CDH4: variants seen among roughly 807,000 people sequenced by gnomAD.
The protein encoded by CDH4 is cadherin 4, also known as cadherin-4.
In CDH4, 33 loss-of-function variants were observed where a neutral mutation model predicts 86.0. The observed-to-expected ratio is 0.38, with a 90% CI of 0.29 to 0.51. The LOEUF (loss-of-function observed/expected upper bound fraction) is 0.51. Among genes scored for constraint, CDH4 ranks in the 20% least tolerant of loss-of-function variants. CDH4 has a pLI of 0.86. For missense variants in CDH4, 1,114 were observed against 1,307.4 expected (o/e 0.85, Z 2.28); for synonymous variants, 555 against 549.4 (o/e 1.01, Z -0.14).
chr20:61,626,002 G>A (rs1313991881), intron 2 of CDH4, among the ~76,000 whole-genome samples: 1 of 152,282 alleles, frequency 6.6e-6, no homozygotes, highest in Non-Finnish European at 1.5e-5. Flanking sequence ...TAGCGCCCCT[G>A]CTGAGTGCTG....
chr20:61,274,873 G>GAGTACTGTGTGCAGTTTGGGGC, intron 2 of CDH4, among the ~76,000 whole-genome samples: 1 of 144,978 alleles, frequency 6.9e-6, no homozygotes, highest in Non-Finnish European at 1.5e-5. Flanking sequence ...TTGTTTGGGA[G>GAGTACTGTGTGCAGTTTGGGGC]AGTACTGTGT....
chr20:61,484,123 A>C (rs6121411), intron 2 of CDH4, among the ~76,000 whole-genome samples: 9,040 of 151,600 alleles, frequency 0.06, 956 homozygotes, highest in African/African-American at 0.21. Context: ...AGCAGACCCT[A>C]CTCACCCCTG....
chr20:61,817,335 C>T (rs371920407), intron 4 of CDH4, among the ~76,000 whole-genome samples: 6 of 152,126 alleles, frequency 3.9e-5, no homozygotes, highest in African/African-American at 1.4e-4. Context: ...TGCCTTGCTA[C>T]GCTGCCGCCT....
chr20:61,601,201 T>G lies in CDH4; in HGVS notation c.170-142362T>G, dbSNP rs533733968. Among the ~76,000 whole-genome samples the G allele has an allele frequency of 1.5e-4, 23 of 152,258 alleles. No homozygotes were observed. The South Asian group carries it at 4.8e-3, about 32-fold the overall frequency. Reference sequence around the variant, plus strand: ...GCAAAGCGGGAGCAGGCACCTCACATGGTGATAGGGGAGCACAGAGGGGGA... The same window carrying G: ...GCAAAGCGGGAGCAGGCACCTCACAGGGTGATAGGGGAGCACAGAGGGGGA... On this transcript the variant is annotated intron_variant, in intron 2 of 15. Transcript: ENST00000614565.
At chr20:61,543,615 G>A (rs2086055893) in intron 2 of CDH4, among the ~76,000 whole-genome samples, 1 of 152,180 alleles carries the variant, frequency 6.6e-6, no homozygotes, top group African/African-American at 2.4e-5. Context: ...AAAGCTGATG[G>A]CGCCTTTATG....
intron 4 of CDH4, among the ~76,000 whole-genome samples, chr20:61,786,026 C>T (rs1009880686): frequency 6.6e-6 from 1 of 152,094 alleles, no homozygotes; most frequent in South Asian, 2.1e-4. Flanking sequence ...TGGAAATCTC[C>T]CCTCTGGTTC....
chr20:61,620,291 TGATA>T (rs1332313353), intron 2 of CDH4, among the ~76,000 whole-genome samples: 2 of 141,622 alleles, frequency 1.4e-5, no homozygotes, highest in East Asian at 2.1e-4. Context: ...GATGGATGGA[TGATA>T]GATGGTAGGT....
At chr20:61,716,668 G>A (rs558792570) in intron 2 of CDH4, among the ~76,000 whole-genome samples, 1 of 152,306 alleles carries the variant, frequency 6.6e-6, no homozygotes, top group East Asian at 1.9e-4. Flanking sequence ...CAGCACTTTG[G>A]GAGGCCGAGG....
At chr20:61,588,077 T>C (rs766155263) in intron 2 of CDH4, among the ~76,000 whole-genome samples, 3 of 152,230 alleles carry the variant, frequency 2.0e-5, no homozygotes, top group Non-Finnish European at 4.4e-5. Flanking sequence ...CACTGAATAA[T>C]GTGCCTTCGA....
chr20:61,825,209 A>C (rs113521596), intron 4 of CDH4, among the ~76,000 whole-genome samples: 149 of 152,226 alleles, frequency 9.8e-4, no homozygotes, highest in African/African-American at 3.5e-3. Flanking sequence ...GGAGTTCGAG[A>C]CCAGCTGGGC....
At chr20:61,593,141 T>G (rs62200483) in intron 2 of CDH4, among the ~76,000 whole-genome samples, 233 of 152,332 alleles carry the variant, frequency 1.5e-3, no homozygotes, top group Admixed American at 4.2e-3. Flanking sequence ...TGTACGGTAA[T>G]GCTTGTGTGT....
At chr20:61,910,961 T>C (rs2054844070) in intron 9 of CDH4, among the ~76,000 whole-genome samples, 1 of 152,256 alleles carries the variant, frequency 6.6e-6, no homozygotes, top group Non-Finnish European at 1.5e-5. Flanking sequence ...TGAGGTAATA[T>C]TTTGTAACAC....
At chr20:61,283,451 G>GGGAGGA in intron 2 of CDH4, among the ~76,000 whole-genome samples, 1 of 149,542 alleles carries the variant, frequency 6.7e-6, no homozygotes, top group African/African-American at 2.5e-5. Flanking sequence ...TGTGTGTGAT[G>GGGAGGA]TGTGTGCGTT....
chr20:61,584,419 G>A lies in CDH4; in HGVS notation c.170-159144G>A, dbSNP rs371105490. Among the ~76,000 whole-genome samples, 19 of 152,176 alleles carry A rather than the reference G, an allele frequency of 1.2e-4. 1 individual carries two copies. In the South Asian group the frequency reaches 3.3e-3, roughly 27 times the overall value. On this transcript the variant is annotated intron_variant, in intron 2 of 15. Coordinates refer to ENST00000614565, the MANE Select transcript of CDH4 (RefSeq NM_001794.5). Reference sequence around the variant, plus strand: ...CTGCCCTTTCTGCTCATCCCAGACCGCATGCATTTCCTTCCTAGCTCTTCT... The same window carrying A: ...CTGCCCTTTCTGCTCATCCCAGACCACATGCATTTCCTTCCTAGCTCTTCT...
At chr20:61,388,014 A>G (rs550781798) in intron 2 of CDH4, among the ~76,000 whole-genome samples, 71 of 152,364 alleles carry the variant, frequency 4.7e-4, no homozygotes, top group African/African-American at 1.7e-3. Context: ...ATGGGTGTCT[A>G]TAATTTGGGG....
intron 4 of CDH4, among the ~76,000 whole-genome samples, chr20:61,799,492 C>T (rs1176691076): frequency 7.9e-5 from 12 of 152,186 alleles, no homozygotes; most frequent in African/African-American, 2.2e-4. Context: ...GCACCTGTGC[C>T]CAGAGCCTGG....
chr20:61,451,163 G>T (rs2085378085), intron 2 of CDH4, among the ~76,000 whole-genome samples: 1 of 146,414 alleles, frequency 6.8e-6, no homozygotes, highest in Non-Finnish European at 1.5e-5. Flanking sequence ...ACCTGTGCAT[G>T]TTTCTTCAAT....
At chr20:61,414,982 C>T (rs1351139056) in intron 2 of CDH4, among the ~76,000 whole-genome samples, 1 of 152,224 alleles carries the variant, frequency 6.6e-6, no homozygotes, top group Admixed American at 6.5e-5. Flanking sequence ...TCCTGCATCC[C>T]TCACGGTGAC....
At position 61,933,053 on chromosome 20, in the gene CDH4, A is replaced by T; in HGVS notation, c.2308A>T (p.Ile770Phe). The change falls in exon 14 of 16, where the codon ATT becomes TTT. Residue 770 changes from isoleucine (I) to phenylalanine (F), a missense_variant. By Grantham distance (21) the Ile-to-Phe change is conservative (BLOSUM62 0). This residue lies in a region of CDH4 where 705 missense variants were observed against 914.1 expected (regional missense o/e 0.77). Transcript: ENST00000614565. The stretch of plus-strand genomic sequence containing the variant: ...GGAGCGCCACACGAAGCAGCTGCTC[A>T]TTGACCCCGAGGACGACGTCCGCGA... ...EKERHTKQLL[I>F]DPEDDVRDNI... 6.2e-7 allele frequency: 1 copy of T among 1,613,280 alleles called. No individual in the cohort carries two copies. Among genetic ancestry groups the T allele is most frequent in the Admixed American group, 1.7e-5 (1 of 60,020 alleles).
Sources: allele counts gnomAD v4.1 joint callset (sites outside exome capture counted in the v4.1 genomes callset), GRCh38; gene constraint gnomAD v4.1.1; regional missense constraint gnomAD v4.1.1; transcripts MANE v1.5; gene names NCBI Gene and HGNC (gene_info 2026-07-23, HGNC 2026-07-21).